Variants in KCNT2 observed in about 807,000 individuals in gnomAD.
KCNT2 encodes potassium channel subfamily T member 2.
In KCNT2, 67 loss-of-function variants were observed where a neutral mutation model predicts 153.8. The ratio of observed to expected loss-of-function variants is 0.44; its 90% CI spans 0.36 to 0.53. The LOEUF (loss-of-function observed/expected upper bound fraction) is 0.53. Ranked by LOEUF, KCNT2 falls within the 20% of genes least tolerant of loss-of-function variation. The probability of loss-of-function intolerance (pLI) is 0.00; values close to 1 mark genes in which losing one functional copy is unlikely to be tolerated. For missense variants in KCNT2, 975 were observed against 1,354.8 expected (o/e 0.72, Z 4.40); for synonymous variants, 500 against 458.8 (o/e 1.09, Z -1.15).
At chr1:196,375,741 A>T (rs1668907675) in intron 13 of KCNT2, among the ~76,000 whole-genome samples, 1 of 151,700 alleles carries the variant, frequency 6.6e-6, no homozygotes, top group Non-Finnish European at 1.5e-5. Context: ...AGTGTTGCAA[A>T]ATATTTATTA....
At chr1:196,457,179 A>C (rs1206969842) in intron 8 of KCNT2, among the ~76,000 whole-genome samples, 1 of 151,864 alleles carries the variant, frequency 6.6e-6, no homozygotes, top group Non-Finnish European at 1.5e-5. Context: ...ATAACAGTGG[A>C]GTCCATTTTC....
At position 196,439,004 on chromosome 1, in the gene KCNT2, A is replaced by AT. The variant is rs904586602; in HGVS notation, c.639-9248dup. ...TATTTTGTGAATGTTAAGTATACCTATTTTTTTAAAGTTTATGCACTTTAG... is the reference window on the plus strand; with the variant it reads ...TATTTTGTGAATGTTAAGTATACCTATTTTTTTTAAAGTTTATGCACTTTAG... On this transcript the variant is annotated intron_variant, in intron 8 of 27. Transcript: ENST00000294725. Among the ~76,000 whole-genome samples, 22 of 151,914 alleles carry AT rather than the reference A, an allele frequency of 1.4e-4. No individual in the cohort carries two copies. The Middle Eastern group carries it at 0.01, about 70-fold the overall frequency.
chr1:196,579,796 T>A (rs745690247), intron 1 of KCNT2, among the ~76,000 whole-genome samples: 1 of 151,916 alleles, frequency 6.6e-6, no homozygotes, highest in South Asian at 2.1e-4. Context: ...CTCCTCCCAG[T>A]TAAATTTTTA....
At chr1:196,490,173 A>C (rs549776461) in intron 2 of KCNT2, among the ~76,000 whole-genome samples, 149 of 151,968 alleles carry the variant, frequency 9.8e-4, no homozygotes, top group African/African-American at 3.3e-3. Context: ...TGCATATTTT[A>C]TAAAAAGACT....
chr1:196,263,296 C>A (rs932267537), intron 25 of KCNT2, among the ~76,000 whole-genome samples: 2 of 151,802 alleles, frequency 1.3e-5, no homozygotes, highest in African/African-American at 2.4e-5. Context: ...CCATGGAATA[C>A]TATGCAGCCA....
At chr1:196,562,565 T>TG (rs1268770881) in intron 1 of KCNT2, among the ~76,000 whole-genome samples, 1 of 151,912 alleles carries the variant, frequency 6.6e-6, no homozygotes, top group Non-Finnish European at 1.5e-5. Flanking sequence ...GCAGCAAATA[T>TG]GGGGGAGAGT....
At chr1:196,426,337 C>T (rs1370187891) in intron 10 of KCNT2, among the ~76,000 whole-genome samples, 1 of 151,894 alleles carries the variant, frequency 6.6e-6, no homozygotes, top group East Asian at 1.9e-4. Context: ...CATTGAACAC[C>T]AGGCAGAAGC....
At chr1:196,472,240 T>C (rs1358759296) in intron 5 of KCNT2, among the ~76,000 whole-genome samples, 3 of 152,238 alleles carry the variant, frequency 2.0e-5, no homozygotes, top group African/African-American at 7.2e-5. Flanking sequence ...TTCTGTGATA[T>C]AGTTATTTTA....
At chr1:196,554,307 A>G (rs1021754070) in intron 1 of KCNT2, among the ~76,000 whole-genome samples, 5 of 151,210 alleles carry the variant, frequency 3.3e-5, no homozygotes, top group African/African-American at 1.2e-4. Flanking sequence ...ATCAAATCGG[A>G]GATGAAAAAG....
At chr1:196,460,652 T>A (rs1413480583) in intron 8 of KCNT2, among the ~76,000 whole-genome samples, 1 of 151,666 alleles carries the variant, frequency 6.6e-6, no homozygotes, top group Non-Finnish European at 1.5e-5. Context: ...TTGACCATAT[T>A]CCATAATTTA....
intron 26 of KCNT2, among the ~76,000 whole-genome samples, chr1:196,244,386 A>T (rs911914089): frequency 3.9e-5 from 6 of 152,106 alleles, no homozygotes; most frequent in African/African-American, 1.4e-4. Context: ...CAGAGCACCA[A>T]GTGGGCTTTT....
At chr1:196,324,881 C>A (rs1663688409) in intron 19 of KCNT2, among the ~76,000 whole-genome samples, 1 of 151,992 alleles carries the variant, frequency 6.6e-6, no homozygotes, top group East Asian at 1.9e-4. Context: ...ACAAATCAAT[C>A]AATCATTCAG....
At chr1:196,262,044 T>C (rs1161190571) in intron 25 of KCNT2, among the ~76,000 whole-genome samples, 1 of 151,900 alleles carries the variant, frequency 6.6e-6, no homozygotes, top group Non-Finnish European at 1.5e-5. Flanking sequence ...ATATGATTTT[T>C]AAGGCTAAAA....
chr1:196,490,642 T>A (rs1679789716), intron 2 of KCNT2, among the ~76,000 whole-genome samples: 1 of 151,666 alleles, frequency 6.6e-6, no homozygotes, highest in Non-Finnish European at 1.5e-5. Flanking sequence ...ACCCATGGAA[T>A]CTTAAACTTT....
chr1:196,284,601 T>C (rs1659483712), intron 23 of KCNT2, among the ~76,000 whole-genome samples: 1 of 151,746 alleles, frequency 6.6e-6, no homozygotes, highest in African/African-American at 2.4e-5. Context: ...CCCTGCAATT[T>C]AATCTCTTTA....
rs76509549 is a variant in KCNT2, at chr1:196,452,488, C to T, written c.638+12805G>A. ...AGTCTCCATTCATGTAGATGACTCC[C>T]TCAACAACCTGTGTACAGGCAATCT... On this transcript the variant is annotated intron_variant, in intron 8 of 27. Transcript: ENST00000294725. Among the ~76,000 whole-genome samples the T allele has an allele frequency of 9.7e-4, 147 of 152,042 alleles. 1 individual carries two copies. The highest frequency in any genetic ancestry group is 2.0e-3 in the African/African-American group (83 of 41,522).
At chr1:196,435,162 T>TTC (rs1674537270) in intron 8 of KCNT2, among the ~76,000 whole-genome samples, 1 of 117,506 alleles carries the variant, frequency 8.5e-6, no homozygotes, top group Admixed American at 8.3e-5. Flanking sequence ...TATATATATA[T>TTC]ATATATATAT....
intron 22 of KCNT2, among the ~76,000 whole-genome samples, chr1:196,287,348 G>T (rs1411449023): frequency 6.6e-6 from 1 of 151,938 alleles, no homozygotes; most frequent in Non-Finnish European, 1.5e-5. Context: ...TCCTGGAGAA[G>T]ACCAAGCCAT....
chr1:196,364,124 T>C (rs1667848097), intron 14 of KCNT2, among the ~76,000 whole-genome samples: 2 of 152,120 alleles, frequency 1.3e-5, no homozygotes, highest in South Asian at 4.1e-4. Context: ...GCCTATAATT[T>C]AGTCAATAGT....
Sources: allele counts gnomAD v4.1 joint callset (sites outside exome capture counted in the v4.1 genomes callset), GRCh38; gene constraint gnomAD v4.1.1; transcripts MANE v1.5; gene names NCBI Gene and HGNC (gene_info 2026-07-23, HGNC 2026-07-21).